Variants in OPCML observed in about 807,000 individuals in gnomAD.
OPCML encodes opioid-binding protein/cell adhesion molecule.
In OPCML, 13 loss-of-function variants were observed where a neutral mutation model predicts 37.8. That is an observed-to-expected ratio of 0.34 (90% CI 0.22 to 0.55). OPCML has a LOEUF of 0.55. Ranked by LOEUF, OPCML falls within the 20% of genes least tolerant of loss-of-function variation. The pLI, the probability that OPCML is intolerant of heterozygous loss-of-function variation, is 0.91. For synonymous variants in OPCML, 176 were observed against 168.8 expected, an observed-to-expected ratio of 1.04 and a Z score of -0.33; for missense variants, 341 against 435.6, an observed-to-expected ratio of 0.78 and a Z score of 1.93.
chr11:132,891,866 C>A (rs528584087), intron 2 of OPCML, among the ~76,000 whole-genome samples: 1 of 152,232 alleles, frequency 6.6e-6, no homozygotes, highest in Admixed American at 6.5e-5. Context: ...TGTAAACATC[C>A]TCTCTTCATC....
chr11:133,419,152 C>T, intron 1 of OPCML: 2 of 705,720 alleles, frequency 2.8e-6, no homozygotes, highest in Non-Finnish European at 3.5e-6. Context: ...AATAAAACTC[C>T]TTCTCTACTG....
chr11:132,713,058 T>C (rs953003289), intron 2 of OPCML, among the ~76,000 whole-genome samples: 1 of 152,058 alleles, frequency 6.6e-6, no homozygotes, highest in Non-Finnish European at 1.5e-5. Context: ...CCCTCATAGA[T>C]CCCTATCCCC....
chr11:133,250,923 A>T (rs1342682312), intron 1 of OPCML, among the ~76,000 whole-genome samples: 1 of 151,996 alleles, frequency 6.6e-6, no homozygotes, highest in Admixed American at 6.6e-5. Context: ...TTTCTGCTGC[A>T]CCTGCCAGCA....
chr11:133,050,945 A>G (rs1293844095), intron 1 of OPCML, among the ~76,000 whole-genome samples: 3 of 152,054 alleles, frequency 2.0e-5, no homozygotes, highest in Admixed American at 2.0e-4. Flanking sequence ...AACTTGCGAG[A>G]CACCCAACAG....
intron 1 of OPCML, among the ~76,000 whole-genome samples, chr11:132,982,345 G>A (rs1565380633): frequency 2.6e-5 from 4 of 151,534 alleles, no homozygotes; most frequent in Admixed American, 6.6e-5. Context: ...CCTCCTTAAC[G>A]CTTATACTGC....
At chr11:133,486,181 G>A (rs947667661) in intron 1 of OPCML, among the ~76,000 whole-genome samples, 1 of 152,134 alleles carries the variant, frequency 6.6e-6, no homozygotes, top group Admixed American at 6.5e-5. Flanking sequence ...TTTTCTCTAG[G>A]AGCAATGGTT....
chr11:133,432,503 G>A (rs1381445117), intron 1 of OPCML, among the ~76,000 whole-genome samples: 1 of 152,096 alleles, frequency 6.6e-6, no homozygotes, highest in Non-Finnish European at 1.5e-5. Context: ...TGCCTCCCAA[G>A]TAGCTGGGAT....
intron 1 of OPCML, chr11:133,439,191 G>A: frequency 1.4e-6 from 1 of 721,538 alleles, no homozygotes; most frequent in Non-Finnish European, 1.7e-6. Flanking sequence ...GCAGTCTTGT[G>A]GGACTGAGCC....
chr11:133,529,573 A>G (rs1051744095), intron 1 of OPCML, among the ~76,000 whole-genome samples: 2 of 152,246 alleles, frequency 1.3e-5, no homozygotes, highest in Non-Finnish European at 2.9e-5. Flanking sequence ...AGTGGAAGGT[A>G]CCAGGCGACA....
intron 3 of OPCML, among the ~76,000 whole-genome samples, chr11:132,610,786 A>C (rs1240219850): frequency 6.6e-6 from 1 of 152,248 alleles, no homozygotes. Flanking sequence ...TCGTGTAAGA[A>C]GCTATCAACC....
At chr11:132,560,817 T>C (rs1448614313) in intron 3 of OPCML, among the ~76,000 whole-genome samples, 1 of 152,246 alleles carries the variant, frequency 6.6e-6, no homozygotes, top group African/African-American at 2.4e-5. Flanking sequence ...GGTTGTTAGT[T>C]GTTTGTCAGA....
intron 1 of OPCML, among the ~76,000 whole-genome samples, chr11:133,528,455 C>T (rs1948533354): frequency 6.6e-6 from 1 of 152,162 alleles, no homozygotes; most frequent in Admixed American, 6.5e-5. Flanking sequence ...CCCTTGTGCA[C>T]ATCAGGCACT....
At chr11:132,828,394 T>C (rs1043139972) in intron 2 of OPCML, among the ~76,000 whole-genome samples, 1 of 152,158 alleles carries the variant, frequency 6.6e-6, no homozygotes, top group Non-Finnish European at 1.5e-5. Flanking sequence ...CATGGACTTT[T>C]AGTTGTTAAT....
intron 2 of OPCML, among the ~76,000 whole-genome samples, chr11:132,668,191 G>A (rs1591700317): frequency 6.6e-6 from 1 of 152,304 alleles, no homozygotes; most frequent in South Asian, 2.1e-4. Flanking sequence ...CCTTGTCAAT[G>A]ATGGGGATGT....
intron 1 of OPCML, among the ~76,000 whole-genome samples, chr11:133,314,658 A>G (rs1943160083): frequency 6.6e-6 from 1 of 152,128 alleles, no homozygotes; most frequent in Non-Finnish European, 1.5e-5. Context: ...CAGCCTTTCT[A>G]GGAAGAGGCC....
intron 1 of OPCML, chr11:133,302,109 T>C (rs2136567849): frequency 6.6e-6 from 1 of 152,048 alleles, no homozygotes; most frequent in East Asian, 1.9e-4. Flanking sequence ...GAAGGAAGAG[T>C]CCATTGTGAG....
At chr11:132,611,942 G>A (rs1036614002) in intron 3 of OPCML, among the ~76,000 whole-genome samples, 8 of 152,240 alleles carry the variant, frequency 5.3e-5, no homozygotes, top group African/African-American at 1.4e-4. Context: ...TTACAGTAGC[G>A]ACCGGAGGAG....
intron 1 of OPCML, among the ~76,000 whole-genome samples, chr11:133,153,788 A>G (rs1268483956): frequency 3.5e-4 from 8 of 23,120 alleles, no homozygotes; most frequent in Non-Finnish European, 6.1e-4. Flanking sequence ...GCTATAGAAT[A>G]GACTGCCCCC....
intron 3 of OPCML, among the ~76,000 whole-genome samples, chr11:132,539,161 C>T (rs917932259): frequency 2.0e-5 from 3 of 152,168 alleles, no homozygotes; most frequent in Non-Finnish European, 4.4e-5. Flanking sequence ...AGAACACTGA[C>T]GCTGAAAAGT....
Sources: allele counts gnomAD v4.1 joint callset (sites outside exome capture counted in the v4.1 genomes callset), GRCh38; gene constraint gnomAD v4.1.1; transcripts MANE v1.5; gene names NCBI Gene and HGNC (gene_info 2026-07-23, HGNC 2026-07-21).